The following FCHSD2 variants were observed in gnomAD, a reference collection of about 807,000 sequenced individuals.
FCHSD2 encodes the protein FCH and double SH3 domains 2.
A neutral mutation model predicts 108.1 loss-of-function variants in FCHSD2; 38 were observed. That is an observed-to-expected ratio of 0.35 (90% CI 0.27 to 0.46). The LOEUF is 0.46. Ranked by LOEUF, FCHSD2 falls within the 20% of genes least tolerant of loss-of-function variation. The pLI is 1.00. For missense variants in FCHSD2, 751 were observed against 897.8 expected, an observed-to-expected ratio of 0.84 and a Z score of 2.09; for synonymous variants, 279 against 314.7, an observed-to-expected ratio of 0.89 and a Z score of 1.20.
intron 9 of FCHSD2, among the ~76,000 whole-genome samples, chr11:72,919,951 T>C (rs1376424550): frequency 2.6e-5 from 4 of 151,836 alleles, no homozygotes; most frequent in Non-Finnish European, 5.9e-5. Context: ...AAAAAATAGA[T>C]ATAAAACAAA....
chr11:73,109,236 A>G (rs1860424236), intron 2 of FCHSD2, among the ~76,000 whole-genome samples: 2 of 152,128 alleles, frequency 1.3e-5, no homozygotes, highest in South Asian at 4.1e-4. Flanking sequence ...ATATTTTAGA[A>G]TTGCTTTTTC....
At chr11:72,912,700 ATTAG>A (rs1855788246) in intron 9 of FCHSD2, among the ~76,000 whole-genome samples, 2 of 152,126 alleles carry the variant, frequency 1.3e-5, no homozygotes, top group Admixed American at 6.6e-5. Context: ...TAAAATTGGT[ATTAG>A]TTATTCTTTA....
At chr11:73,122,672 T>C (rs1042153450) in intron 2 of FCHSD2, among the ~76,000 whole-genome samples, 5 of 152,200 alleles carry the variant, frequency 3.3e-5, no homozygotes, top group Non-Finnish European at 7.4e-5. Flanking sequence ...AATGAAGGCA[T>C]GGCAAGATTT....
intron 8 of FCHSD2, among the ~76,000 whole-genome samples, chr11:72,949,803 T>A (rs1856589441): frequency 6.6e-6 from 1 of 152,230 alleles, no homozygotes; most frequent in Non-Finnish European, 1.5e-5. Flanking sequence ...TGTTTCCACC[T>A]TTGGATTGTT....
chr11:72,974,078 C>A, intron 8 of FCHSD2, among the ~76,000 whole-genome samples: 1 of 104,978 alleles, frequency 9.5e-6, no homozygotes, highest in Non-Finnish European at 1.8e-5. Flanking sequence ...GGGCGGGGGG[C>A]GGGATGGAAG....
intron 8 of FCHSD2, among the ~76,000 whole-genome samples, chr11:72,980,313 T>C (rs1337463692): frequency 6.6e-6 from 1 of 152,202 alleles, no homozygotes; most frequent in East Asian, 1.9e-4. Context: ...CTGGTTTCTC[T>C]ATTAATTTAT....
intron 2 of FCHSD2, among the ~76,000 whole-genome samples, chr11:73,086,302 G>C (rs935394168): frequency 6.6e-6 from 1 of 152,134 alleles, no homozygotes; most frequent in Non-Finnish European, 1.5e-5. Flanking sequence ...CCAGCTACTC[G>C]GGAGGCTGAG....
intron 2 of FCHSD2, among the ~76,000 whole-genome samples, chr11:73,120,257 T>C (rs376635765): frequency 6.6e-6 from 1 of 152,248 alleles, no homozygotes; most frequent in African/African-American, 2.4e-5. Flanking sequence ...TGTATATTTA[T>C]TGAACTATGG....
At chr11:72,872,686 A>G (rs1854887192) in intron 12 of FCHSD2, among the ~76,000 whole-genome samples, 1 of 152,078 alleles carries the variant, frequency 6.6e-6, no homozygotes, top group Non-Finnish European at 1.5e-5. Context: ...ATGTTTATCC[A>G]TTTGTCAGTT....
intron 9 of FCHSD2, among the ~76,000 whole-genome samples, chr11:72,909,271 G>C (rs1232994425): frequency 6.6e-6 from 1 of 151,980 alleles, no homozygotes; most frequent in Non-Finnish European, 1.5e-5. Context: ...TCTTGACCTC[G>C]AGTGATCTGC....
intron 2 of FCHSD2, among the ~76,000 whole-genome samples, chr11:73,106,145 T>C (rs1358941815): frequency 6.6e-6 from 1 of 152,118 alleles, no homozygotes; most frequent in Non-Finnish European, 1.5e-5. Context: ...TTTCCCTTAT[T>C]GGACCTCGGA....
intron 8 of FCHSD2, among the ~76,000 whole-genome samples, chr11:72,976,517 T>C (rs1857106824): frequency 6.6e-6 from 1 of 152,112 alleles, no homozygotes; most frequent in African/African-American, 2.4e-5. Flanking sequence ...TGGACTCAAG[T>C]GATCCTCCCA....
intron 9 of FCHSD2, among the ~76,000 whole-genome samples, chr11:72,913,715 T>A (rs1194519760): frequency 2.6e-5 from 4 of 151,758 alleles, no homozygotes; most frequent in Admixed American, 2.6e-4. Flanking sequence ...TCTCTTTTTT[T>A]CCTCACTAGT....
chr11:72,997,737 G>A (rs1470177545), intron 5 of FCHSD2, among the ~76,000 whole-genome samples: 2 of 152,202 alleles, frequency 1.3e-5, no homozygotes, highest in Non-Finnish European at 2.9e-5. Flanking sequence ...GTCTCCCTCT[G>A]TCATCCAGGC....
chr11:72,870,267 G>A (rs1854824805), intron 12 of FCHSD2, among the ~76,000 whole-genome samples: 1 of 152,132 alleles, frequency 6.6e-6, no homozygotes, highest in Non-Finnish European at 1.5e-5. Flanking sequence ...ATTACAATGT[G>A]ATAGGCACGA....
At chr11:73,059,027 TTAAGC>T (rs543008156) in intron 3 of FCHSD2, among the ~76,000 whole-genome samples, 88 of 152,312 alleles carry the variant, frequency 5.8e-4, no homozygotes, top group Non-Finnish European at 8.1e-4. Context: ...ATTTTAGTTT[TTAAGC>T]TAAGCTAAGA....
chr11:73,057,234 A>T (rs1859047021), intron 3 of FCHSD2, among the ~76,000 whole-genome samples: 1 of 152,196 alleles, frequency 6.6e-6, no homozygotes, highest in African/African-American at 2.4e-5. Context: ...ATTAAATGAA[A>T]TCATGTCTTT....
At chr11:72,939,862 G>T (rs1411706393) in intron 8 of FCHSD2, among the ~76,000 whole-genome samples, 1 of 151,764 alleles carries the variant, frequency 6.6e-6, no homozygotes, top group Non-Finnish European at 1.5e-5. Context: ...CAAGTGATCT[G>T]CCCACCTTGG....
chr11:72,855,592 C>T (rs915568026), intron 13 of FCHSD2, among the ~76,000 whole-genome samples: 3 of 152,168 alleles, frequency 2.0e-5, no homozygotes, highest in African/African-American at 4.8e-5. Flanking sequence ...TTTTACCATA[C>T]ACACGAACAA....
Sources: gnomAD v4.1 joint callset for allele counts (sites outside exome capture counted in the v4.1 genomes callset) on GRCh38, gnomAD v4.1.1 for gene constraint, MANE v1.5 for transcripts, NCBI Gene and HGNC (gene_info 2026-07-23, HGNC 2026-07-21) for gene names.